Variants in POLE2 observed in about 807,000 individuals in gnomAD.
POLE2 encodes DNA polymerase epsilon subunit 2.
POLE2 carries 56 observed loss-of-function variants against 79.4 expected under a neutral mutation model. The observed-to-expected ratio is 0.71, with a 90% CI of 0.57 to 0.88. The LOEUF (loss-of-function observed/expected upper bound fraction) is 0.88, where lower values mean the gene tolerates loss of function less well. Ranked by LOEUF, POLE2 falls within the 40% of genes least tolerant of loss-of-function variation. The pLI, the probability that POLE2 is intolerant of heterozygous loss-of-function variation, is 0.00. For synonymous variants in POLE2, 212 were observed against 214.0 expected, an observed-to-expected ratio of 0.99 and a Z score of 0.08; for missense variants, 598 against 638.9, an observed-to-expected ratio of 0.94 and a Z score of 0.69.
chr14:49,658,371 C>T (rs1446331245), intron 10 of POLE2, among the ~76,000 whole-genome samples: 1 of 152,294 alleles, frequency 6.6e-6, no homozygotes, highest in East Asian at 1.9e-4. Flanking sequence ...CCACCGCGCC[C>T]GGCCCCTCTG....
chr14:49,686,808 C>A (rs1203395131), intron 1 of POLE2, among the ~76,000 whole-genome samples: 1 of 152,120 alleles, frequency 6.6e-6, no homozygotes. Flanking sequence ...GTTCCTCATG[C>A]TTTCAAAATG....
chr14:49,652,911 G>A (rs1884378478), intron 15 of POLE2, among the ~76,000 whole-genome samples: 1 of 152,126 alleles, frequency 6.6e-6, no homozygotes, highest in Non-Finnish European at 1.5e-5. Context: ...AAAGGTTGGG[G>A]ACCACTGTGG....
chr14:49,680,295 G>A (rs1886607984), intron 2 of POLE2, among the ~76,000 whole-genome samples: 2 of 151,700 alleles, frequency 1.3e-5, no homozygotes, highest in South Asian at 4.2e-4. Flanking sequence ...AGGCTGCAGT[G>A]AGCTGTGATC....
Position 49,650,405 on chromosome 14 carries a change from G to T in POLE2, c.1357C>A (p.Pro453Thr). The T allele has an allele frequency of 6.3e-7, 1 of 1,576,318 alleles. No homozygotes were observed. Among genetic ancestry groups the T allele is most frequent in the Non-Finnish European group, 8.6e-7 (1 of 1,159,418 alleles). ...ACTGGGCAGACATAAAGAGGTAGGG[G>T]AGTCAGATGTCCTTGGGATAAGATA... ...KTILSQGHLT[P>T]LPLYVCPVYW... The change falls in exon 17 of 19, where the codon CCC (proline) becomes ACC (threonine). Residue 453 changes from proline (P) to threonine (T), a missense_variant. Physicochemically the swap from Pro to Thr is conservative, Grantham distance 38. Coordinates refer to ENST00000216367, the MANE Select transcript of POLE2 (RefSeq NM_002692.4).
chr14:49,647,063 T>C (rs1300985776), intron 18 of POLE2: 2 of 345,336 alleles, frequency 5.8e-6, no homozygotes, highest in Non-Finnish European at 1.0e-5. Flanking sequence ...ACAGCTGGCC[T>C]GAGATTTCCC....
chr14:49,669,551 G>T lies in POLE2; in HGVS notation c.465C>A (p.His155Gln). Residue 155 changes from histidine (H) to glutamine (Q), a missense_variant, in exon 6 of 19, where the codon CAC becomes CAA. His to Gln is a conservative substitution (Grantham distance 24). Transcript: ENST00000216367. ...GGAATTTGCTTCCGCTTTCATCAGG[G>T]TGAGAACCTATCACCGGAGGAGTAA... ...ELFTPPVIGS[H>Q]PDESGSKFQL... 6.3e-7 allele frequency: 1 copy of T among 1,599,022 alleles called. No homozygotes were observed. Among genetic ancestry groups the T allele is most frequent in the Non-Finnish European group, 8.6e-7 (1 of 1,166,308 alleles).
chr14:49,653,090 A>G (rs1277716047), intron 15 of POLE2, among the ~76,000 whole-genome samples: 1 of 152,262 alleles, frequency 6.6e-6, no homozygotes, highest in Non-Finnish European at 1.5e-5. Flanking sequence ...AACATGGAGA[A>G]GTCTACAGAA....
At chr14:49,687,272 AAAAT>A (rs2139705621) in intron 1 of POLE2, among the ~76,000 whole-genome samples, 1 of 147,782 alleles carries the variant, frequency 6.8e-6, no homozygotes, top group African/African-American at 2.5e-5. Flanking sequence ...CAAAAAAAAA[AAAAT>A]ACATATATAT....
At chr14:49,666,559 T>A in intron 6 of POLE2, 146 bp from the exon 7 acceptor site, 1 of 449,032 alleles carries the variant, frequency 2.2e-6, no homozygotes, top group Non-Finnish European at 3.9e-6. Flanking sequence ...GAAATAAAGT[T>A]GTAAAATTAA....
At chr14:49,674,451 A>G in intron 3 of POLE2, 24 bp from the exon 4 acceptor site, 1 of 1,457,088 alleles carries the variant, frequency 6.9e-7, no homozygotes, top group Non-Finnish European at 9.6e-7. Context: ...CACAAAATAC[A>G]GACCTGATTT....
intron 3 of POLE2, among the ~76,000 whole-genome samples, chr14:49,676,646 G>A (rs1183353834): frequency 1.3e-5 from 2 of 152,242 alleles, no homozygotes; most frequent in African/African-American, 4.8e-5. Flanking sequence ...CGGGCTGGCC[G>A]ACCCAGGCAC....
intron 2 of POLE2, 46 bp from the exon 3 acceptor site, chr14:49,679,846 A>G (rs777451294): frequency 9.4e-7 from 1 of 1,067,808 alleles, no homozygotes; most frequent in Non-Finnish European, 1.4e-6. Context: ...AAAAAAAAAA[A>G]TAGTTCTTTC....
At chr14:49,682,593 C>T (rs1357493343) in intron 2 of POLE2, among the ~76,000 whole-genome samples, 1 of 137,770 alleles carries the variant, frequency 7.3e-6, no homozygotes, top group Non-Finnish European at 1.5e-5. Flanking sequence ...GCCGAAATAG[C>T]ACCACTGCAT....
chr14:49,679,875 CA>C, intron 2 of POLE2, 75 bp from the exon 3 acceptor site: 1 of 805,852 alleles, frequency 1.2e-6, no homozygotes, highest in Non-Finnish European at 2.1e-6. Context: ...GCTCTTTTCC[CA>C]AAAATAATTT....
At chr14:49,647,463 TTA>T in intron 17 of POLE2, 103 bp from the exon 18 acceptor site, 6 of 378,768 alleles carry the variant, frequency 1.6e-5, no homozygotes, top group East Asian at 1.0e-4. Flanking sequence ...TTTTATTTAT[TTA>T]TTTTTTTTTT....
chr14:49,677,354 C>A, intron 3 of POLE2: 1 of 507,162 alleles, frequency 2.0e-6, no homozygotes, highest in Non-Finnish European at 3.6e-6. Context: ...AGGATCAAAT[C>A]CTTCAGCTCC....
Position 49,663,363 on chromosome 14 carries a change from T to C in POLE2, c.707A>G (p.His236Arg). The C allele has an allele frequency of 6.2e-7, 1 of 1,610,642 alleles. No homozygotes were observed. The change falls in exon 10 of 19, where the codon CAT becomes CGT. Residue 236 changes from histidine to arginine, a missense_variant. Physicochemically the swap from His to Arg is conservative, Grantham distance 29. Transcript: ENST00000216367. ...GGGTGGAAATCCAAAGGCATTGACA[T>C]GAAACACTTGATCTTCAAACCAACC... is the stretch of plus-strand genomic sequence containing the variant. ...AEGWFEDQVF[H>R]VNAFGFPPTE...
At position 49,668,392 on chromosome 14, in the gene POLE2, C is replaced by T. The variant is rs1230477711; in HGVS notation, c.492+1132G>A. Among the ~76,000 whole-genome samples the T allele has an allele frequency of 2.7e-5, 4 of 150,532 alleles. No individual in the cohort carries two copies. The East Asian group carries it at 7.8e-4, about 29-fold the overall frequency. ...ACTCAGGAGGCTGGGGCAGGAGGATCACTTGAGGCCAGGAGTTCAAGACCA... is the reference window on the plus strand; with the variant it reads ...ACTCAGGAGGCTGGGGCAGGAGGATTACTTGAGGCCAGGAGTTCAAGACCA... On this transcript the variant is annotated intron_variant, in intron 6 of 18. Coordinates refer to ENST00000216367, the MANE Select transcript of POLE2 (RefSeq NM_002692.4).
chr14:49,667,038 A>T (rs1885534335), intron 6 of POLE2, among the ~76,000 whole-genome samples: 1 of 152,060 alleles, frequency 6.6e-6, no homozygotes, highest in Non-Finnish European at 1.5e-5. Context: ...AATACAAAAA[A>T]TTAGCCAGGC....
Sources: allele counts gnomAD v4.1 joint callset (sites outside exome capture counted in the v4.1 genomes callset), GRCh38; gene constraint gnomAD v4.1.1; transcripts MANE v1.5; gene names NCBI Gene and HGNC (gene_info 2026-07-23, HGNC 2026-07-21).